TET1: variants seen among roughly 807,000 people sequenced by gnomAD.
The protein encoded by TET1 is methylcytosine dioxygenase TET1.
Under a neutral mutation model 148.7 loss-of-function variants are expected in TET1, and 13 were observed. That is an observed-to-expected ratio of 0.09 (90% CI 0.06 to 0.14). The LOEUF is 0.14. TET1 is among the 10% of genes least tolerant of loss of function. The probability of loss-of-function intolerance (pLI) is 1.00; values close to 1 mark genes in which losing one functional copy is unlikely to be tolerated. For missense variants in TET1, 2,182 were observed against 2,553.8 expected, an observed-to-expected ratio of 0.85 and a Z score of 3.14; for synonymous variants, 907 against 937.2, an observed-to-expected ratio of 0.97 and a Z score of 0.59.
Position 68,573,343 on chromosome 10 carries a change from A to G in TET1, c.1005A>G (p.Lys335=), listed in dbSNP as rs2053692070. Residue 335 remains lysine (K), a synonymous_variant, in exon 2 of 12, where the codon AAA becomes AAG. Coordinates refer to ENST00000373644, the MANE Select transcript of TET1 (RefSeq NM_030625.3). ...SVIKFLLAGS[K]QATLGAKPDH... is the part of the protein sequence containing the mutation. ...TAAAATTCCTCTTGGCAGGCTCAAAACAAGCGACCCTTGGTGCTAAACCAG... is the reference window on the plus strand; with the variant it reads ...TAAAATTCCTCTTGGCAGGCTCAAAGCAAGCGACCCTTGGTGCTAAACCAG... 3.1e-6 allele frequency: 5 copies of G among 1,613,926 alleles called. No individual in the cohort carries two copies. The South Asian group carries it at 4.4e-5, about 14-fold the overall frequency.
chr10:68,578,842 C>T (rs1422795780), intron 2 of TET1, among the ~76,000 whole-genome samples: 1 of 151,946 alleles, frequency 6.6e-6, no homozygotes, highest in Admixed American at 6.6e-5. Flanking sequence ...CCATGCCCAG[C>T]CCCAAAATTT....
At chr10:68,589,215 C>T (rs7908570) in intron 2 of TET1, among the ~76,000 whole-genome samples, 51,316 of 151,686 alleles carry the variant, frequency 0.34, 9,014 homozygotes, top group Middle Eastern at 0.44. Flanking sequence ...TAATGATTCA[C>T]ATTCACTCTC....
Position 68,645,245 on chromosome 10 carries a change from C to T in TET1, c.2516C>T (p.Ser839Leu). The T allele has an allele frequency of 6.2e-7, 1 of 1,614,066 alleles. No homozygotes were observed. The highest frequency in any genetic ancestry group is 8.5e-7 in the Non-Finnish European group (1 of 1,179,982). The change falls in exon 4 of 12, where the codon TCA (serine) becomes TTA (leucine). Residue 839 changes from serine to leucine, a missense_variant. This residue lies in a region of TET1 where 582 missense variants were observed against 599.5 expected (regional missense o/e 0.97). Coordinates refer to ENST00000373644, the MANE Select transcript of TET1 (RefSeq NM_030625.3). ...AACTGCAGTTCCATTCCACATTCTT[C>T]ACACTCCATCATAAATCATCATGCT... ...GFNCSSIPHSSHSIINHHASI... is the reference protein window; with the variant it reads ...GFNCSSIPHSLHSIINHHASI...
intron 3 of TET1, among the ~76,000 whole-genome samples, chr10:68,628,641 T>C (rs977386445): frequency 1.3e-5 from 2 of 152,072 alleles, no homozygotes; most frequent in Admixed American, 1.3e-4. Context: ...GGTGAAGAAA[T>C]GTGTAGTTTA....
In TET1 at chr10:68,584,827, C is replaced by CT. The variant is rs372954832; in HGVS notation, c.1914+10587dup. 6.2e-4 allele frequency among the ~76,000 whole-genome samples: 86 copies of CT among 139,062 alleles called. 1 individual carries two copies. Among genetic ancestry groups the CT allele is most frequent in the Middle Eastern group, 3.7e-3 (1 of 268 alleles). 91.2% of individuals were successfully genotyped at this position (139,062 alleles called of 152,430 possible). Reference sequence around the variant, plus strand: ...GTATTAGTTTATTCTACACATATCTCTTTTTTTTTTTTAGGCAAAATCTCG... The same window carrying CT: ...GTATTAGTTTATTCTACACATATCTCTTTTTTTTTTTTTAGGCAAAATCTCG... On this transcript the variant is annotated intron_variant, in intron 2 of 11. Coordinates refer to ENST00000373644, the MANE Select transcript of TET1 (RefSeq NM_030625.3).
At chr10:68,676,249 TATATATATATATATATATA>T (rs746093060) in intron 8 of TET1, among the ~76,000 whole-genome samples, 6,099 of 26,174 alleles carry the variant, frequency 0.23, 489 homozygotes, top group Non-Finnish European at 0.27. Flanking sequence ...TATATATATA[TATATATATATATATATATA>T]TTTTTTTTTT....
At chr10:68,631,492 A>G (rs1254930578) in intron 3 of TET1, among the ~76,000 whole-genome samples, 1 of 136,264 alleles carries the variant, frequency 7.3e-6, no homozygotes, top group Non-Finnish European at 1.5e-5. Flanking sequence ...CATGTTAGAC[A>G]GGATGATCTC....
intron 3 of TET1, among the ~76,000 whole-genome samples, chr10:68,644,328 G>A (rs952960445): frequency 5.3e-5 from 8 of 152,064 alleles, no homozygotes; most frequent in African/African-American, 9.7e-5. Flanking sequence ...TCAGCCTCCC[G>A]GGTAGCTGGG....
intron 3 of TET1, among the ~76,000 whole-genome samples, chr10:68,624,602 C>CTCTCTTTCTTTCTTTCTTTCTT (rs2054426665): frequency 8.8e-6 from 1 of 113,852 alleles, no homozygotes; most frequent in African/African-American, 3.3e-5. Context: ...TTTTCTTTTT[C>CTCTCTTTCTTTCTTTCTTTCTT]TCTTTCTTTC....
At chr10:68,628,231 G>T (rs1169302098) in intron 3 of TET1, among the ~76,000 whole-genome samples, 1 of 152,200 alleles carries the variant, frequency 6.6e-6, no homozygotes, top group Non-Finnish European at 1.5e-5. Context: ...ACAGGCATGA[G>T]CCACTGCCCC....
chr10:68,573,163 A>C lies in TET1; in HGVS notation c.825A>C (p.Ser275=), dbSNP rs2053690412. 1 of 1,614,200 alleles carries C rather than the reference A, an allele frequency of 6.2e-7. No homozygotes were observed. The highest frequency in any genetic ancestry group is 1.3e-5 in the African/African-American group (1 of 75,060). The change falls in exon 2 of 12, where the codon TCA becomes TCC. Residue 275 remains serine (S), a synonymous_variant. Coordinates refer to ENST00000373644, the MANE Select transcript of TET1 (RefSeq NM_030625.3). ...NPSIQLEELG[S]RVESLKLSDS... Reference sequence around the variant, plus strand: ...GCATTCAGTTAGAAGAGTTGGGTTCACGAGTAGAATCTCTTAAGTTATCTG... The same window carrying C: ...GCATTCAGTTAGAAGAGTTGGGTTCCCGAGTAGAATCTCTTAAGTTATCTG...
chr10:68,588,277 T>C (rs1168851826), intron 2 of TET1, among the ~76,000 whole-genome samples: 1 of 152,210 alleles, frequency 6.6e-6, no homozygotes, highest in Non-Finnish European at 1.5e-5. Flanking sequence ...ATCACTATGC[T>C]CAGCCTTATT....
intron 8 of TET1, among the ~76,000 whole-genome samples, chr10:68,680,599 C>T (rs1168003307): frequency 3.3e-5 from 5 of 152,202 alleles, no homozygotes; most frequent in East Asian, 3.8e-4. Flanking sequence ...CTGCCCGCCT[C>T]GGCCTCCCAA....
intron 3 of TET1, among the ~76,000 whole-genome samples, chr10:68,631,333 C>G (rs957162194): frequency 1.3e-5 from 2 of 151,548 alleles, no homozygotes; most frequent in Non-Finnish European, 2.9e-5. Context: ...GTTAGACAGA[C>G]AGTGATTGCA....
intron 2 of TET1, among the ~76,000 whole-genome samples, chr10:68,585,431 GC>G (rs2053850316): frequency 1.3e-5 from 2 of 152,040 alleles, no homozygotes; most frequent in African/African-American, 4.8e-5. Flanking sequence ...ACTGTGCCTG[GC>G]CAAGAATTTC....
chr10:68,589,023 T>C (rs1255146018), intron 2 of TET1, among the ~76,000 whole-genome samples: 1 of 151,978 alleles, frequency 6.6e-6, no homozygotes, highest in Non-Finnish European at 1.5e-5. Flanking sequence ...GTAGGGACGC[T>C]GAGGCGAGAG....
At chr10:68,594,388 A>T (rs1476135056) in intron 2 of TET1, among the ~76,000 whole-genome samples, 1 of 152,204 alleles carries the variant, frequency 6.6e-6, no homozygotes, top group Non-Finnish European at 1.5e-5. Context: ...ACTGTTGAAG[A>T]TTATTCACCT....
At chr10:68,571,868 C>G (rs1253141173) in intron 1 of TET1, among the ~76,000 whole-genome samples, 1 of 152,092 alleles carries the variant, frequency 6.6e-6, no homozygotes, top group Non-Finnish European at 1.5e-5. Flanking sequence ...ACCTGTAATC[C>G]CAGCACTAGG....
Position 68,574,153 on chromosome 10 carries a change from A to G in TET1, c.1815A>G (p.Glu605=), listed in dbSNP as rs766807400. The G allele has an allele frequency of 1.2e-6, 2 of 1,613,966 alleles. No homozygotes were observed. Among genetic ancestry groups the G allele is most frequent in the South Asian group, 1.1e-5 (1 of 91,084 alleles). ...GCCAGCAGAAGACCAACTGTGGTGA[A>G]TGCACTTACTGCAAGAACAGAAAGA... ...EPCQQKTNCG[E]CTYCKNRKNS... Residue 605 remains glutamate, a synonymous_variant, in exon 2 of 12, where the codon GAA becomes GAG. Coordinates refer to ENST00000373644, the MANE Select transcript of TET1 (RefSeq NM_030625.3).
Sources: allele counts gnomAD v4.1 joint callset (sites outside exome capture counted in the v4.1 genomes callset), GRCh38; gene constraint gnomAD v4.1.1; regional missense constraint gnomAD v4.1.1; transcripts MANE v1.5; gene names NCBI Gene and HGNC (gene_info 2026-07-23, HGNC 2026-07-21).